HDAC4: variants seen among roughly 807,000 people sequenced by gnomAD.
HDAC4 encodes histone deacetylase 4, also known as histone deacetylase A.
HDAC4 carries 16 observed loss-of-function variants against 135.1 expected under a neutral mutation model. That is an observed-to-expected ratio of 0.12 (90% confidence interval 0.08 to 0.18). The LOEUF is 0.18. Ranked by LOEUF, HDAC4 falls within the 10% of genes least tolerant of loss-of-function variation. The pLI, the probability that HDAC4 is intolerant of heterozygous loss-of-function variation, is 1.00. For missense variants in HDAC4, 1,143 were observed against 1,511.8 expected (o/e 0.76, Z 4.05); for synonymous variants, 685 against 653.4 (o/e 1.05, Z -0.74).
intron 2 of HDAC4, among the ~76,000 whole-genome samples, chr2:239,334,744 C>T (rs1280954202): frequency 6.6e-5 from 10 of 152,002 alleles, no homozygotes; most frequent in South Asian, 2.1e-4. Context: ...ATATGGAGGC[C>T]GGGCGTGGTG....
intron 2 of HDAC4, among the ~76,000 whole-genome samples, chr2:239,310,026 C>T (rs549688014): frequency 6.6e-6 from 1 of 152,292 alleles, no homozygotes; most frequent in African/African-American, 2.4e-5. Flanking sequence ...AGTCAGATTC[C>T]ACAGCAGGGT....
chr2:239,297,928 GCCC>G (rs770537551), intron 2 of HDAC4, among the ~76,000 whole-genome samples: 1 of 152,106 alleles, frequency 6.6e-6, no homozygotes, highest in African/African-American at 2.4e-5. Context: ...CTTCCACAGG[GCCC>G]CCAAGTCAAA....
intron 2 of HDAC4, among the ~76,000 whole-genome samples, chr2:239,341,569 T>G (rs1445177130): frequency 6.6e-6 from 1 of 152,192 alleles, no homozygotes; most frequent in African/African-American, 2.4e-5. Flanking sequence ...ACCCTGAGTG[T>G]GCTCAGAACA....
intron 5 of HDAC4, among the ~76,000 whole-genome samples, chr2:239,164,651 C>T (rs1163289312): frequency 6.6e-6 from 1 of 152,258 alleles, no homozygotes; most frequent in Non-Finnish European, 1.5e-5. Flanking sequence ...ATCCTTCTTA[C>T]AGCACCTTAA....
chr2:239,101,712 A>G (rs1166230177), intron 16 of HDAC4, among the ~76,000 whole-genome samples: 1 of 152,098 alleles, frequency 6.6e-6, no homozygotes, highest in African/African-American at 2.4e-5. Context: ...CGAGGAACAA[A>G]GGGAGCCCTG....
chr2:239,052,719 T>A lies in HDAC4; in HGVS notation c.*378A>T, dbSNP rs748700847. 2 of 298,540 alleles carry A rather than the reference T, an allele frequency of 6.7e-6. No individual in the cohort carries two copies. The highest frequency in any genetic ancestry group is 8.3e-5 in the South Asian group (2 of 23,974). 18.5% of individuals were successfully genotyped at this position (298,540 alleles called of 1,614,324 possible). Reference sequence around the variant, plus strand: ...ATCAAGTTTGTTTTGTATTATTAGATCTTTGATATTTGTTTTCTGTGCCTC... The same window carrying A: ...ATCAAGTTTGTTTTGTATTATTAGAACTTTGATATTTGTTTTCTGTGCCTC... On this transcript the variant is annotated 3_prime_UTR_variant, in exon 27 of 27. Transcript: ENST00000543185.
chr2:239,076,369 C>T (rs576545406), intron 22 of HDAC4, among the ~76,000 whole-genome samples: 1 of 152,232 alleles, frequency 6.6e-6, no homozygotes, highest in Non-Finnish European at 1.5e-5. Context: ...TAGCTCTAAA[C>T]CACCACATAC....
rs1426192046 is a variant in HDAC4, at chr2:239,400,658, T to C, written c.-220+320A>G. The C allele has an allele frequency of 7.1e-6, 1 of 140,926 alleles. No individual in the cohort carries two copies. The highest frequency in any genetic ancestry group is 1.6e-5 in the Non-Finnish European group (1 of 64,472). The allele number at this position is 140,926 out of a possible 1,614,324, so 8.7% of individuals were successfully genotyped here. A position where few individuals can be genotyped will look rare whatever the true frequency, so the allele number is the denominator to read the frequency against. Reference sequence around the variant, plus strand: ...GGGGCGCGGGGCGGGCGGCGGACAATGGCCCGCGGGCGCCGGGCCGGGGCT... The same window carrying C: ...GGGGCGCGGGGCGGGCGGCGGACAACGGCCCGCGGGCGCCGGGCCGGGGCT... On this transcript the variant is annotated intron_variant, in intron 1 of 26. Coordinates refer to ENST00000543185, the MANE Select transcript of HDAC4 (RefSeq NM_001378414.1). This position sits in a 1 kb window ranked among gnomAD's most constrained non-coding sequence, Gnocchi z 4.7.
At chr2:239,394,665 G>A (rs1189632667) in intron 1 of HDAC4, among the ~76,000 whole-genome samples, 1 of 152,240 alleles carries the variant, frequency 6.6e-6, no homozygotes, top group African/African-American at 2.4e-5. Context: ...GGGGCAGGGG[G>A]TGTCAGGAAA....
rs963710101 is a variant in HDAC4, at chr2:239,306,795, G to A, written c.22+45883C>T. Among the ~76,000 whole-genome samples, 2 of 152,084 alleles carry A rather than the reference G, an allele frequency of 1.3e-5. No homozygotes were observed. The highest frequency in any genetic ancestry group is 2.9e-5 in the Non-Finnish European group (2 of 67,998). ...CAGGACCCCACCCCAGCCAACAACC[G>A]GGAGACCCTGGCCTGGTTTCCCACA... On this transcript the variant is annotated intron_variant, in intron 2 of 26. Coordinates refer to ENST00000543185, the MANE Select transcript of HDAC4 (RefSeq NM_001378414.1). This position sits in a 1 kb window ranked among gnomAD's most constrained non-coding sequence, Gnocchi z 4.5.
At chr2:239,315,590 CCAGAAA>C (rs2053083411) in intron 2 of HDAC4, among the ~76,000 whole-genome samples, 1 of 152,106 alleles carries the variant, frequency 6.6e-6, no homozygotes, top group African/African-American at 2.4e-5. Flanking sequence ...GTGAGAAAGT[CCAGAAA>C]CAGAAGTACA....
At chr2:239,401,186 TCCCG>T (rs1232001998), upstream of HDAC4, among the ~76,000 whole-genome samples, 2 of 149,552 alleles carry the variant, frequency 1.3e-5, no homozygotes, top group Admixed American at 6.6e-5. Flanking sequence ...CGGCCCCGCC[TCCCG>T]CCCGCCCGCC....
chr2:239,077,051 G>A (rs2034837655), intron 22 of HDAC4, among the ~76,000 whole-genome samples: 1 of 152,102 alleles, frequency 6.6e-6, no homozygotes, highest in African/African-American at 2.4e-5. Context: ...GCTGTTTTCT[G>A]GGCTTGTCCA....
intron 7 of HDAC4, among the ~76,000 whole-genome samples, chr2:239,156,058 C>T (rs573460870): frequency 5.4e-4 from 82 of 152,362 alleles, no homozygotes; most frequent in African/African-American, 1.7e-3. Flanking sequence ...CTGCTGCAGC[C>T]GCCTCTCCCT....
chr2:239,116,604 C>T (rs2039156432), intron 12 of HDAC4, among the ~76,000 whole-genome samples: 1 of 152,226 alleles, frequency 6.6e-6, no homozygotes, highest in South Asian at 2.1e-4. Flanking sequence ...CAATCTTCTT[C>T]ATGTAGCAGT....
chr2:239,236,042 A>G (rs1222136741), intron 3 of HDAC4, among the ~76,000 whole-genome samples: 1 of 152,244 alleles, frequency 6.6e-6, no homozygotes, highest in Non-Finnish European at 1.5e-5. Flanking sequence ...TCCGTCTCCA[A>G]ATAGACAAAT....
intron 16 of HDAC4, among the ~76,000 whole-genome samples, chr2:239,097,556 T>C (rs1231731976): frequency 6.6e-6 from 1 of 152,252 alleles, no homozygotes; most frequent in East Asian, 1.9e-4. Flanking sequence ...GGCCCTGCTC[T>C]CCTCTGTGCC....
At chr2:239,102,689 GC>G in intron 16 of HDAC4, 86 bp downstream of exon 16, 2 of 1,495,622 alleles carry the variant, frequency 1.3e-6, no homozygotes, top group South Asian at 2.3e-5. Flanking sequence ...ACCCACAGGT[GC>G]CCCAGACACA....
At chr2:239,253,930 C>CCG (rs2048920926) in intron 2 of HDAC4, among the ~76,000 whole-genome samples, 1 of 151,962 alleles carries the variant, frequency 6.6e-6, no homozygotes, top group Admixed American at 6.6e-5. Flanking sequence ...ACCCTGTGTC[C>CCG]GGGCAGAACT....
Sources: allele counts gnomAD v4.1 joint callset (sites outside exome capture counted in the v4.1 genomes callset), GRCh38; gene constraint gnomAD v4.1.1; non-coding constraint Gnocchi (gnomAD v3.1); transcripts MANE v1.5; gene names NCBI Gene and HGNC (gene_info 2026-07-23, HGNC 2026-07-21).